Variants in STIM1 observed in about 807,000 individuals in gnomAD.
STIM1 encodes stromal interaction molecule 1.
In STIM1, 25 loss-of-function variants were observed where a neutral mutation model predicts 74.7. The observed-to-expected ratio is 0.33, with a 90% CI of 0.24 to 0.47. The LOEUF (loss-of-function observed/expected upper bound fraction) is 0.47. Ranked by LOEUF, STIM1 falls within the 20% of genes least tolerant of loss-of-function variation. The pLI is 1.00. For missense variants in STIM1, 728 were observed against 920.8 expected (o/e 0.79, Z 2.71); for synonymous variants, 328 against 348.8 (o/e 0.94, Z 0.66).
chr11:3,929,787 C>G (rs561411805), intron 1 of STIM1, among the ~76,000 whole-genome samples: 6 of 152,144 alleles, frequency 3.9e-5, no homozygotes, highest in Non-Finnish European at 8.8e-5. Flanking sequence ...AATCGTTGGT[C>G]TGAAATTCAA....
intron 1 of STIM1, among the ~76,000 whole-genome samples, chr11:3,938,896 A>C (rs2092969989): frequency 6.6e-6 from 1 of 152,158 alleles, no homozygotes; most frequent in African/African-American, 2.4e-5. Context: ...TTATCATTAG[A>C]AGATGTGAGA....
intron 1 of STIM1, among the ~76,000 whole-genome samples, chr11:3,875,557 C>T (rs1405167622): frequency 6.6e-6 from 1 of 151,820 alleles, no homozygotes. Flanking sequence ...GAAACCCTGT[C>T]TCTACAAAAA....
chr11:4,010,873 C>G (rs1248427086), intron 2 of STIM1, among the ~76,000 whole-genome samples: 1 of 152,140 alleles, frequency 6.6e-6, no homozygotes, highest in Admixed American at 6.5e-5. Flanking sequence ...TCCCCCAGCC[C>G]CCAGCCCCCA....
At chr11:3,922,458 G>GCTGGATATAAGTC (rs1304537505) in intron 1 of STIM1, 1 of 152,128 alleles carries the variant, frequency 6.6e-6, no homozygotes, top group Non-Finnish European at 1.5e-5. Flanking sequence ...CTTTATGTAT[G>GCTGGATATAAGTC]CTGGATATAA....
intron 1 of STIM1, among the ~76,000 whole-genome samples, chr11:3,905,534 G>A (rs2092451624): frequency 6.6e-6 from 1 of 152,054 alleles, no homozygotes; most frequent in South Asian, 2.1e-4. Context: ...GAAGCCTGCG[G>A]TCACTAGAGC....
intron 2 of STIM1, among the ~76,000 whole-genome samples, chr11:3,997,420 C>G (rs1269753421): frequency 1.3e-5 from 2 of 152,170 alleles, no homozygotes. Context: ...ACTTGGGAGG[C>G]TGAGGTGGGA....
chr11:4,077,220 G>A (rs961304774), intron 7 of STIM1, among the ~76,000 whole-genome samples: 8 of 151,440 alleles, frequency 5.3e-5, no homozygotes, highest in Non-Finnish European at 7.4e-5. Flanking sequence ...ATAAAGCAAG[G>A]GTAGCTATAT....
At chr11:4,090,184 T>G (rs1047253952) in intron 12 of STIM1, among the ~76,000 whole-genome samples, 4 of 152,170 alleles carry the variant, frequency 2.6e-5, no homozygotes, top group African/African-American at 9.7e-5. Flanking sequence ...CAATAATTTC[T>G]ACATTTCCAA....
At chr11:3,981,357 G>A (rs1316794772) in intron 2 of STIM1, among the ~76,000 whole-genome samples, 1 of 152,160 alleles carries the variant, frequency 6.6e-6, no homozygotes, top group Non-Finnish European at 1.5e-5. Flanking sequence ...ATCCTTAACT[G>A]TCCTACCAGA....
At chr11:3,906,427 G>T (rs926723518) in intron 1 of STIM1, among the ~76,000 whole-genome samples, 2 of 152,112 alleles carry the variant, frequency 1.3e-5, no homozygotes, top group Admixed American at 6.5e-5. Flanking sequence ...GACTGAATAG[G>T]TGTCCTGAAT....
At position 4,047,637 on chromosome 11, in the gene STIM1, A is replaced by AACAAAG. The variant is rs551920342; in HGVS notation, c.386-7871_386-7866dup. Among the ~76,000 whole-genome samples the AACAAAG allele has an allele frequency of 3.8e-4, 58 of 151,660 alleles. 1 individual carries two copies. The South Asian group carries it at 6.3e-3, about 16-fold the overall frequency. On this transcript the variant is annotated intron_variant, in intron 3 of 12. Coordinates refer to ENST00000526596, the MANE Select transcript of STIM1 (RefSeq NM_001382567.1). ...TTTCAAACAAAACAAAACAAAACAA[A>AACAAAG]ACAAAGACAAAGACAAAGACAAAAA... is the stretch of plus-strand genomic sequence containing the variant.
At chr11:3,924,275 T>C (rs1036494662) in intron 1 of STIM1, among the ~76,000 whole-genome samples, 1 of 151,008 alleles carries the variant, frequency 6.6e-6, no homozygotes, top group Non-Finnish European at 1.5e-5. Context: ...CTCGGCTCAC[T>C]GCAAGCTCTG....
chr11:3,935,356 G>A (rs1291877736), intron 1 of STIM1, among the ~76,000 whole-genome samples: 1 of 152,230 alleles, frequency 6.6e-6, no homozygotes, highest in Non-Finnish European at 1.5e-5. Flanking sequence ...CTCCCTGCAA[G>A]GTGCTCTCTT....
At chr11:4,056,667 G>C (rs949839935) in intron 4 of STIM1, among the ~76,000 whole-genome samples, 3 of 152,226 alleles carry the variant, frequency 2.0e-5, no homozygotes, top group African/African-American at 7.2e-5. Context: ...TCCAGGCCTA[G>C]CTGAGCTGGC....
chr11:4,063,547 T>C (rs2094345862), intron 5 of STIM1, among the ~76,000 whole-genome samples: 1 of 152,274 alleles, frequency 6.6e-6, no homozygotes, highest in Non-Finnish European at 1.5e-5. Context: ...GACTACAGTA[T>C]AGTGTAAACA....
At chr11:3,932,729 A>G (rs2092884396) in intron 1 of STIM1, among the ~76,000 whole-genome samples, 1 of 151,756 alleles carries the variant, frequency 6.6e-6, no homozygotes, top group African/African-American at 2.4e-5. Flanking sequence ...CCCCTTCTGC[A>G]GTGGGAGGAC....
intron 2 of STIM1, 22 bp from the exon 3 acceptor site, chr11:4,023,851 C>T: frequency 6.3e-7 from 1 of 1,598,166 alleles, no homozygotes; most frequent in Non-Finnish European, 8.6e-7. Context: ...TCTCTTGTGA[C>T]TTGTGTACTT....
chr11:3,968,262 T>C (rs2093358773), intron 2 of STIM1, among the ~76,000 whole-genome samples: 1 of 152,246 alleles, frequency 6.6e-6, no homozygotes, highest in Non-Finnish European at 1.5e-5. Context: ...TTTGGCATTA[T>C]TGTACCTGTG....
rs185471748 is a variant in STIM1, at chr11:3,939,083, A to G, written c.140-28469A>G. Among the ~76,000 whole-genome samples, 211 of 152,354 alleles carry G rather than the reference A, an allele frequency of 1.4e-3. 2 individuals carry two copies. Among genetic ancestry groups the G allele is most frequent in the Non-Finnish European group, 7.1e-4 (48 of 68,026 alleles). On this transcript the variant is annotated intron_variant, in intron 1 of 12. Coordinates refer to ENST00000526596, the MANE Select transcript of STIM1 (RefSeq NM_001382567.1). ...TCTGTATGACATATAACTGAGCCCT[A>G]TATAAAATATTTAGACAAGAATTTT...
Sources: allele counts gnomAD v4.1 joint callset (sites outside exome capture counted in the v4.1 genomes callset), GRCh38; gene constraint gnomAD v4.1.1; transcripts MANE v1.5; gene names NCBI Gene and HGNC (gene_info 2026-07-23, HGNC 2026-07-21).